CCNH: variants seen among roughly 807,000 people sequenced by gnomAD.
The protein encoded by CCNH is cyclin H, also known as cyclin-H.
Under a neutral mutation model 41.9 loss-of-function variants are expected in CCNH, and 31 were observed. The ratio of observed to expected loss-of-function variants is 0.74; its 90% CI spans 0.56 to 1.00. The LOEUF (loss-of-function observed/expected upper bound fraction) is 1.00, where lower values mean the gene tolerates loss of function less well. Ranked by LOEUF, CCNH falls within the 50% of genes least tolerant of loss-of-function variation. The probability of loss-of-function intolerance (pLI) is 0.00; values close to 1 mark genes in which losing one functional copy is unlikely to be tolerated. For synonymous variants in CCNH, 138 were observed against 136.1 expected (o/e 1.01, Z -0.10); for missense variants, 362 against 388.4 (o/e 0.93, Z 0.57).
chr5:87,345,000 A>C (rs1758749768), intron 9 of CCNH, among the ~76,000 whole-genome samples: 1 of 151,978 alleles, frequency 6.6e-6, no homozygotes. Flanking sequence ...CACTGTGCTT[A>C]TTATAGTTTC....
intron 9 of CCNH, among the ~76,000 whole-genome samples, chr5:87,363,684 T>C (rs1760286091): frequency 6.6e-6 from 1 of 152,114 alleles, no homozygotes; most frequent in South Asian, 2.1e-4. Context: ...GTCTACTTCA[T>C]TGTGTTGCAC....
downstream of CCNH, among the ~76,000 whole-genome samples, chr5:87,373,063 A>G (rs1761065423): frequency 5.3e-5 from 8 of 152,146 alleles, no homozygotes; most frequent in Admixed American, 5.2e-4. Context: ...TGCTAATAAG[A>G]GCAAGTTGTA....
At chr5:87,387,030 T>A, downstream of CCNH, 1 of 846,084 alleles carries the variant, frequency 1.2e-6, no homozygotes, top group Non-Finnish European at 1.9e-6. Flanking sequence ...GCCTGCAAAT[T>A]TTTGTCTGCC....
intron 9 of CCNH, among the ~76,000 whole-genome samples, chr5:87,361,094 C>T (rs747822981): frequency 7.2e-5 from 11 of 152,090 alleles, no homozygotes; most frequent in Admixed American, 2.0e-4. Flanking sequence ...TCTAGGCCAG[C>T]GGTTGGCAAA....
chr5:87,394,172 G>GCCTATCATATTTT, downstream of CCNH: 1 of 866,408 alleles, frequency 1.2e-6, no homozygotes, highest in Non-Finnish European at 1.5e-6. Flanking sequence ...GCATAGGTTT[G>GCCTATCATATTTT]CCTATCATAT....
upstream of CCNH, chr5:87,378,289 T>C: frequency 7.5e-7 from 1 of 1,328,822 alleles, no homozygotes; most frequent in Non-Finnish European, 1.1e-6. Flanking sequence ...AAAAAGCACA[T>C]TTAAGTGGCT....
At chr5:87,335,257 T>C (rs970621496) in intron 9 of CCNH, among the ~76,000 whole-genome samples, 1 of 152,168 alleles carries the variant, frequency 6.6e-6, no homozygotes, top group Non-Finnish European at 1.5e-5. Flanking sequence ...AGAGTGAGTC[T>C]ATTATTTCAA....
chr5:87,360,375 C>T (rs1342823530), intron 9 of CCNH, among the ~76,000 whole-genome samples: 4 of 152,122 alleles, frequency 2.6e-5, no homozygotes, highest in African/African-American at 2.4e-5. Flanking sequence ...GTGCCCGCCT[C>T]GGCCTCCTAA....
In CCNH at chr5:87,395,115, G is replaced by GC; in HGVS notation, c.873-12dup. ...CCTTTCCTCTTCTTCCTATAATTAA[G>GC]CAACTATCAATAAGCAATCCAATAC... On this transcript the variant is annotated splice_polypyrimidine_tract_variant and intron_variant, in intron 7 of 8. Transcript: ENST00000256897. The GC allele has an allele frequency of 2.5e-6, 4 of 1,606,466 alleles. No homozygotes were observed. The highest frequency in any genetic ancestry group is 3.4e-6 in the Non-Finnish European group (4 of 1,175,782).
intron 9 of CCNH, among the ~76,000 whole-genome samples, chr5:87,341,095 G>C (rs571116734): frequency 6.6e-6 from 1 of 152,126 alleles, no homozygotes; most frequent in Non-Finnish European, 1.5e-5. Flanking sequence ...AAGAGGGCCT[G>C]AGTTAGGGTA....
chr5:87,386,780 A>G, downstream of CCNH: 1 of 1,520,400 alleles, frequency 6.6e-7, no homozygotes, highest in Non-Finnish European at 9.1e-7. Context: ...TAGATCAAAC[A>G]GTGGTTTGTT....
chr5:87,315,050 A>T (rs1317227084), downstream of CCNH, among the ~76,000 whole-genome samples: 1 of 152,212 alleles, frequency 6.6e-6, no homozygotes, highest in East Asian at 1.9e-4. Flanking sequence ...TATGTAAAGT[A>T]TAAAGAGTTT....
At chr5:87,331,975 T>G (rs1757633673) in intron 9 of CCNH, among the ~76,000 whole-genome samples, 1 of 152,142 alleles carries the variant, frequency 6.6e-6, no homozygotes, top group Non-Finnish European at 1.5e-5. Context: ...TTTACCCATA[T>G]TGTATTGTTT....
intron 9 of CCNH, among the ~76,000 whole-genome samples, chr5:87,337,034 A>G (rs1561291155): frequency 6.6e-6 from 1 of 152,096 alleles, no homozygotes; most frequent in Non-Finnish European, 1.5e-5. Context: ...AATTTACTTA[A>G]TAGATTTTGA....
rs190156180 is a variant in CCNH, at chr5:87,320,669, C to T, written c.*91-1772G>A. ...GATTCAATCACCTACCACCAGGTCC[C>T]TCCCCCAACACTGGGAGTAACAGTT... is the stretch of plus-strand genomic sequence containing the variant. On this transcript the variant is annotated intron_variant and NMD_transcript_variant, in intron 9 of 9. Transcript: ENST00000645953. Among the ~76,000 whole-genome samples, 229 of 152,310 alleles carry T rather than the reference C, an allele frequency of 1.5e-3. 1 individual carries two copies. The highest frequency in any genetic ancestry group is 0.01 in the Middle Eastern group (3 of 294).
At chr5:87,338,536 A>ATATATATATATATATATATTTT in intron 9 of CCNH, among the ~76,000 whole-genome samples, 13 of 85,196 alleles carry the variant, frequency 1.5e-4, no homozygotes, top group East Asian at 9.9e-4. Flanking sequence ...TATATATAAA[A>ATATATATATATATATATATTTT]TTTTTTTTTT....
At chr5:87,395,016 T>TA (rs1168462369) in intron 8 of CCNH, 28 bp downstream of exon 8, 24 of 1,611,646 alleles carry the variant, frequency 1.5e-5, no homozygotes, top group South Asian at 8.8e-5. Context: ...AAAAATAACT[T>TA]AGAGTTCATC....
At chr5:87,364,574 G>C (rs752154960) in intron 9 of CCNH, among the ~76,000 whole-genome samples, 3 of 151,900 alleles carry the variant, frequency 2.0e-5, no homozygotes, top group African/African-American at 7.3e-5. Flanking sequence ...CAAAGATTGC[G>C]TGAGGACAGG....
At chr5:87,369,949 G>C in intron 9 of CCNH, 1 of 1,446,244 alleles carries the variant, frequency 6.9e-7, no homozygotes, top group Middle Eastern at 1.7e-4. Flanking sequence ...GTTAGCCCAT[G>C]TTTTCTTATT....
Sources: allele counts gnomAD v4.1 joint callset (sites outside exome capture counted in the v4.1 genomes callset), GRCh38; gene constraint gnomAD v4.1.1; transcripts MANE v1.5; gene names NCBI Gene and HGNC (gene_info 2026-07-23, HGNC 2026-07-21).